Variants in RNF44 observed in about 807,000 individuals in gnomAD.
The protein encoded by RNF44 is ring finger protein 44.
RNF44 carries 25 observed loss-of-function variants against 53.6 expected under a neutral mutation model. The ratio of observed to expected loss-of-function variants is 0.47; its 90% CI spans 0.34 to 0.65. RNF44 has a LOEUF of 0.65. RNF44 is among the 30% of genes least tolerant of loss of function. The pLI, the probability that RNF44 is intolerant of heterozygous loss-of-function variation, is 0.01. For missense variants in RNF44, 581 were observed against 595.5 expected, an observed-to-expected ratio of 0.98 and a Z score of 0.25; for synonymous variants, 282 against 252.2, an observed-to-expected ratio of 1.12 and a Z score of -1.12.
intron 1 of RNF44, among the ~76,000 whole-genome samples, chr5:176,534,829 G>T (rs1043737002): frequency 1.3e-5 from 2 of 152,236 alleles, no homozygotes; most frequent in Non-Finnish European, 2.9e-5. Flanking sequence ...AGCTGGAATC[G>T]TGAGTGCGCA....
intron 1 of RNF44, among the ~76,000 whole-genome samples, chr5:176,534,861 G>T (rs1232499910): frequency 6.6e-6 from 1 of 152,196 alleles, no homozygotes; most frequent in Non-Finnish European, 1.5e-5. Flanking sequence ...TAAGCAGTCT[G>T]GCCATAAAGC....
chr5:176,531,393 G>C lies in RNF44; in HGVS notation c.465+70C>G. 6.8e-7 allele frequency: 1 copy of C among 1,463,466 alleles called. No homozygotes were observed. The highest frequency in any genetic ancestry group is 9.2e-7 in the Non-Finnish European group (1 of 1,090,420). The allele number at this position is 1,463,466 out of a possible 1,614,324, so 90.7% of individuals were successfully genotyped here. ...TCAGCCCAGTTCAGGGCTGCCCTGG[G>C]CCCGCTGAGCCGCTGGCCTGTGCCT... On this transcript the variant is annotated intron_variant, in intron 4 of 10. Transcript: ENST00000274811. The surrounding 1 kb of genome is among the most constrained non-coding windows in gnomAD (Gnocchi z 4.2).
rs1394469586 is a variant in RNF44 at position 176,530,149 on chromosome 5, G to A, written c.859C>T (p.Pro287Ser). 4.6e-6 allele frequency: 6 copies of A among 1,309,716 alleles called. No homozygotes were observed. The African/African-American group carries it at 7.7e-5, about 17-fold the overall frequency. The allele number at this position is 1,309,716 out of a possible 1,614,324, so 81.1% of individuals were successfully genotyped here. Residue 287 changes from proline to serine, a missense_variant, in exon 7 of 11, where the codon CCA (proline) becomes TCA (serine). By Grantham distance (74) the Pro-to-Ser change is moderately conservative. Coordinates refer to ENST00000274811, the MANE Select transcript of RNF44 (RefSeq NM_014901.5). ...LSTQRYRLQQ[P>S]LPPPPPPPPP... is the part of the protein sequence containing the mutation. Reference sequence around the variant, plus strand: ...GGGGGTGGGGGCGGCGGGGGCAGTGGCTGCTGCAGGCGGTATCTCTGGGTG... The same window carrying A: ...GGGGGTGGGGGCGGCGGGGGCAGTGACTGCTGCAGGCGGTATCTCTGGGTG...
In RNF44 at chr5:176,529,525, C is replaced by A. The variant is rs144106139; in HGVS notation, c.1134G>T (p.Thr378=). The part of the protein sequence containing the change: ...FNPDSHQSEQ[T]LCVVCFSDFE... ...GGGAGGTGGGGCAGGGTACTCACAG[C>A]GTCTGCTCCGACTGATGGCTGTCCG... Residue 378 remains threonine, a splice_region_variant and synonymous_variant, in exon 9 of 11, where the codon ACG becomes ACT. Coordinates refer to ENST00000274811, the MANE Select transcript of RNF44 (RefSeq NM_014901.5). The A allele has an allele frequency of 6.2e-7, 1 of 1,613,824 alleles. No individual in the cohort carries two copies. The highest frequency in any genetic ancestry group is 8.5e-7 in the Non-Finnish European group (1 of 1,180,024).
chr5:176,539,321 TATC>T (rs1490953588), upstream of RNF44, among the ~76,000 whole-genome samples: 2 of 152,250 alleles, frequency 1.3e-5, no homozygotes, highest in Non-Finnish European at 1.5e-5. Flanking sequence ...CCCAGTTCCT[TATC>T]ATCAACTGTT....
rs1473901033 is a variant in RNF44, at chr5:176,529,269, C to G, written c.1236+19G>C. On this transcript the variant is annotated intron_variant, in intron 10 of 10. Coordinates refer to ENST00000274811, the MANE Select transcript of RNF44 (RefSeq NM_014901.5). ...TCACTGCATGAGGAATACCCAGGAG[C>G]AGACCTGGGCAGTGTTACCTTCAAC... The G allele has an allele frequency of 8.1e-6, 13 of 1,602,632 alleles. No individual in the cohort carries two copies. The highest frequency in any genetic ancestry group is 1.3e-5 in the African/African-American group (1 of 74,736).
upstream of RNF44, among the ~76,000 whole-genome samples, chr5:176,538,761 T>TA (rs1390431499): frequency 6.6e-6 from 1 of 152,214 alleles, no homozygotes; most frequent in Non-Finnish European, 1.5e-5. Flanking sequence ...AAATTTTATA[T>TA]AAAAATTGAA....
In RNF44 at chr5:176,529,403, G is replaced by A; in HGVS notation, c.1137-16C>T. The A allele has an allele frequency of 6.2e-7, 1 of 1,606,850 alleles. No homozygotes were observed. Among genetic ancestry groups the A allele is most frequent in the Non-Finnish European group, 8.5e-7 (1 of 1,175,100 alleles). On this transcript the variant is annotated splice_polypyrimidine_tract_variant and intron_variant, in intron 9 of 10. Coordinates refer to ENST00000274811, the MANE Select transcript of RNF44 (RefSeq NM_014901.5). ...GACCACACACCTGTGGAGGGGCGCGGAGCGTCACCTCCACGCTGAGGGCCA... is the reference window on the plus strand; with the variant it reads ...GACCACACACCTGTGGAGGGGCGCGAAGCGTCACCTCCACGCTGAGGGCCA...
Position 176,532,494 on chromosome 5 carries a change from G to C in RNF44, c.-22C>G. 6.5e-7 allele frequency: 1 copy of C among 1,540,640 alleles called. No homozygotes were observed. The highest frequency in any genetic ancestry group is 8.7e-7 in the Non-Finnish European group (1 of 1,147,970). ...GCATCGGGGGGGCAGGGGGGTGGAG[G>C]GGCTGGGCCGGGACTCACAACCCTA... On this transcript the variant is annotated 5_prime_UTR_variant, in exon 2 of 11. Transcript: ENST00000274811.
chr5:176,528,341 C>A lies in RNF44; in HGVS notation c.*687G>T, dbSNP rs1756228869. 2 of 152,324 alleles carry A rather than the reference C, an allele frequency of 1.3e-5. No individual in the cohort carries two copies. The highest frequency in any genetic ancestry group is 4.1e-4 in the South Asian group (2 of 4,822). 9.4% of individuals were successfully genotyped at this position (152,324 alleles called of 1,614,324 possible). A position where few individuals can be genotyped will look rare whatever the true frequency, so the allele number is the denominator to read the frequency against. ...AGGGACAACCACCGGGAACACAGGG[C>A]TCCCTCTCCCCGTATGGCCCAAGCC... On this transcript the variant is annotated 3_prime_UTR_variant, in exon 11 of 11. Transcript: ENST00000274811.
At chr5:176,541,131 G>A (rs1757439345), upstream of RNF44, among the ~76,000 whole-genome samples, 1 of 152,194 alleles carries the variant, frequency 6.6e-6, no homozygotes. Flanking sequence ...GAGCCCAGAA[G>A]TGTGAAACCT....
In RNF44 at chr5:176,531,653, G is replaced by GA; in HGVS notation, c.298-24dup. The GA allele has an allele frequency of 6.3e-7, 1 of 1,588,842 alleles. No homozygotes were observed. Among genetic ancestry groups the GA allele is most frequent in the Non-Finnish European group, 8.6e-7 (1 of 1,165,110 alleles). On this transcript the variant is annotated intron_variant, in intron 3 of 10. Coordinates refer to ENST00000274811, the MANE Select transcript of RNF44 (RefSeq NM_014901.5). This position sits in a 1 kb window ranked among gnomAD's most constrained non-coding sequence, Gnocchi z 4.2. ...CACCTGTGGGTGGAGAGAACGCCGG[G>GA]AAAGTATGAAAAGGAAGCTGACCGC...
chr5:176,534,194 C>G (rs1756962589), intron 1 of RNF44, among the ~76,000 whole-genome samples: 2 of 152,252 alleles, frequency 1.3e-5, no homozygotes, highest in Admixed American at 1.3e-4. Context: ...GTGCACGGAA[C>G]AGAGCCAATC....
Position 176,532,016 on chromosome 5 carries a change from A to C in RNF44, c.285T>G (p.Asp95Glu). The C allele has an allele frequency of 6.2e-7, 1 of 1,610,292 alleles. No individual in the cohort carries two copies. Among genetic ancestry groups the C allele is most frequent in the Non-Finnish European group, 8.5e-7 (1 of 1,178,394 alleles). ...PATQQSPFMV[D>E]LHEQVHQGPV... is the part of the protein sequence containing the mutation. ...GGGTTCTGCCTACCTGCTCGTGGAG[A>C]TCAACCATGAACGGGCTCTGCTGGG... The change falls in exon 3 of 11, where the codon GAT (aspartate) becomes GAG (glutamate). Residue 95 changes from aspartate to glutamate, a missense_variant. Around this residue, in one of 3 missense-constraint regions of RNF44, gnomAD observed 387 missense variants for 366.0 expected, o/e 1.06. Transcript: ENST00000274811.
chr5:176,542,958 C>T (rs1381018123), upstream of RNF44, among the ~76,000 whole-genome samples: 1 of 151,912 alleles, frequency 6.6e-6, no homozygotes, highest in Non-Finnish European at 1.5e-5. Context: ...TGGGTCCCAG[C>T]CGCAGCTGGG....
chr5:176,528,746 G>C lies in RNF44; in HGVS notation c.*282C>G. The C allele has an allele frequency of 2.0e-6, 1 of 512,622 alleles. No homozygotes were observed. The highest frequency in any genetic ancestry group is 3.5e-6 in the Non-Finnish European group (1 of 287,884). The allele number at this position is 512,622 out of a possible 1,614,324, so 31.8% of individuals were successfully genotyped here. On this transcript the variant is annotated 3_prime_UTR_variant, in exon 11 of 11. Transcript: ENST00000274811. ...GCACTCAGTGCCAGCAGGAAAAGGA[G>C]GGACCTGAGGGTGCACAGGAGGGAG... is the stretch of plus-strand genomic sequence containing the variant.
chr5:176,529,289 TTCAACCACTTG>T lies in RNF44; in HGVS notation c.1224_1234del (p.Asp408GlufsTer21), dbSNP rs1423031355. ...AGGAGCAGACCTGGGCAGTGTTACC[TTCAACCACTTG>T]TCAACACACTTGGTGTGGAACTCAT... On this transcript the variant is annotated frameshift_variant and splice_region_variant, in exon 10 of 11. Transcript: ENST00000274811. LOFTEE classifies it high-confidence loss of function. The T allele has an allele frequency of 6.2e-7, 1 of 1,613,410 alleles. No individual in the cohort carries two copies. Among genetic ancestry groups the T allele is most frequent in the Admixed American group, 1.7e-5 (1 of 60,024 alleles).
Position 176,527,554 on chromosome 5 carries a change from G to A in RNF44, c.*1474C>T, listed in dbSNP as rs567252533. Reference sequence around the variant, plus strand: ...TACAGTAAGACTTTGGGTTCTCCATGGGGGTGGGACCAGGCTGACGGGCCC... The same window carrying A: ...TACAGTAAGACTTTGGGTTCTCCATAGGGGTGGGACCAGGCTGACGGGCCC... On this transcript the variant is annotated 3_prime_UTR_variant, in exon 11 of 11. Coordinates refer to ENST00000274811, the MANE Select transcript of RNF44 (RefSeq NM_014901.5). 6.6e-6 allele frequency: 1 copy of A among 152,424 alleles called. No individual in the cohort carries two copies. The highest frequency in any genetic ancestry group is 1.5e-5 in the Non-Finnish European group (1 of 68,050). The allele number at this position is 152,424 out of a possible 1,614,324, so 9.4% of individuals were successfully genotyped here.
chr5:176,541,809 C>T (rs929845490), upstream of RNF44, among the ~76,000 whole-genome samples: 9 of 152,200 alleles, frequency 5.9e-5, no homozygotes, highest in African/African-American at 1.9e-4. Flanking sequence ...CAGTCACCTT[C>T]CCAGGATGGA....
Sources: allele counts gnomAD v4.1 joint callset (sites outside exome capture counted in the v4.1 genomes callset), GRCh38; gene constraint gnomAD v4.1.1; regional missense constraint gnomAD v4.1.1; non-coding constraint Gnocchi (gnomAD v3.1); transcripts MANE v1.5; gene names NCBI Gene and HGNC (gene_info 2026-07-23, HGNC 2026-07-21).